The following ACTR3B variants were observed in gnomAD, a reference collection of about 807,000 sequenced individuals.
The protein encoded by ACTR3B is actin related protein 3B.
Under a neutral mutation model 59.0 loss-of-function variants are expected in ACTR3B, and 8 were observed. The observed-to-expected ratio is 0.14, with a 90% confidence interval of 0.08 to 0.24. The LOEUF (loss-of-function observed/expected upper bound fraction) is 0.24. Ranked by LOEUF, ACTR3B falls within the 10% of genes least tolerant of loss-of-function variation. The pLI, the probability that ACTR3B is intolerant of heterozygous loss-of-function variation, is 1.00. For synonymous variants in ACTR3B, 148 were observed against 197.9 expected (o/e 0.75, Z 2.12); for missense variants, 245 against 552.3 (o/e 0.44, Z 5.58).
chr7:152,791,624 CTA>C (rs2116678189), intron 2 of ACTR3B, among the ~76,000 whole-genome samples: 2 of 152,282 alleles, frequency 1.3e-5, no homozygotes, highest in East Asian at 3.9e-4. Context: ...GTGTATAGTT[CTA>C]TGTCATTGTA....
intron 9 of ACTR3B, among the ~76,000 whole-genome samples, chr7:152,842,889 C>T (rs1358537837): frequency 6.6e-6 from 1 of 152,160 alleles, no homozygotes; most frequent in Non-Finnish European, 1.5e-5. Flanking sequence ...TGCAGTTGTT[C>T]GTCTTAACCC....
chr7:152,833,721 CAT>C (rs1478760215), intron 9 of ACTR3B, among the ~76,000 whole-genome samples: 2 of 152,128 alleles, frequency 1.3e-5, no homozygotes, highest in Non-Finnish European at 2.9e-5. Context: ...ATCTTTCTGA[CAT>C]AAATTTCAGG....
At position 152,800,553 on chromosome 7, in the gene ACTR3B, A is replaced by C; in HGVS notation, c.123A>C (p.Ala41=). 1.2e-6 allele frequency: 2 copies of C among 1,614,044 alleles called. No individual in the cohort carries two copies. The highest frequency in any genetic ancestry group is 1.1e-5 in the South Asian group (1 of 91,078). The part of the protein sequence containing the change: ...IPSCIAIRES[A]KVVDQAQRRV... ...AAGGTATTGCCATCAGAGAGTCAGC[A>C]AAGGTAGTTGACCAAGCTCAAAGGA... Residue 41 remains alanine (A), a synonymous_variant, in exon 3 of 12, where the codon GCA becomes GCC. Transcript: ENST00000256001.
rs531670047 is a variant in ACTR3B at position 152,820,453 on chromosome 7, A to C, written c.684+11A>C. ...GCAAAAGCCATTAAGGTAAAAACAG[A>C]TGGGAAACCGGCCGGTTTGGGGGTG... On this transcript the variant is annotated intron_variant, in intron 7 of 11. Transcript: ENST00000256001. 2.5e-5 allele frequency: 40 copies of C among 1,602,788 alleles called. 1 individual carries two copies. The highest frequency in any genetic ancestry group is 3.2e-5 in the Non-Finnish European group (38 of 1,172,154).
intron 2 of ACTR3B, among the ~76,000 whole-genome samples, chr7:152,788,761 C>G (rs1446182118): frequency 1.3e-5 from 2 of 152,096 alleles, no homozygotes. Context: ...TGGTTCACAC[C>G]TGTAATTCCA....
intron 2 of ACTR3B, among the ~76,000 whole-genome samples, chr7:152,795,621 T>C (rs2116701964): frequency 6.6e-6 from 1 of 152,350 alleles, no homozygotes; most frequent in South Asian, 2.1e-4. Flanking sequence ...AAAGATTAGC[T>C]TTTACTTTTA....
At chr7:152,777,291 C>A (rs3107847) in intron 1 of ACTR3B, among the ~76,000 whole-genome samples, 4 of 150,466 alleles carry the variant, frequency 2.7e-5, no homozygotes, top group Non-Finnish European at 5.9e-5. Context: ...ACTCTTCCTC[C>A]TCCTGAACCA....
chr7:152,852,102 C>T (rs571378039), intron 9 of ACTR3B, 24 bp from the exon 10 acceptor site: 1 of 1,613,910 alleles, frequency 6.2e-7, no homozygotes, highest in South Asian at 1.1e-5. Flanking sequence ...TTACCCAGGG[C>T]TCCCTCTGCT....
At position 152,820,431 on chromosome 7, in the gene ACTR3B, A is replaced by G. The variant is rs2116853182; in HGVS notation, c.673A>G (p.Lys225Glu). 2 of 1,604,334 alleles carry G rather than the reference A, an allele frequency of 1.2e-6. No homozygotes were observed. The highest frequency in any genetic ancestry group is 8.5e-7 in the Non-Finnish European group (1 of 1,173,568). Residue 225 changes from lysine (K) to glutamate (E), a missense_variant, in exon 7 of 12, where the codon AAA (lysine) becomes GAA (glutamate). Lys to Glu is a moderately conservative substitution (Grantham distance 56). Transcript: ENST00000256001. ...IPPEQSLETA[K>E]AIKEKYCYIC... The stretch of plus-strand genomic sequence containing the variant: ...TCCTGAGCAGTCACTGGAGACCGCA[A>G]AAGCCATTAAGGTAAAAACAGATGG...
chr7:152,780,530 T>C (rs2689487), intron 1 of ACTR3B, among the ~76,000 whole-genome samples: 2,350 of 149,926 alleles, frequency 0.016, 64 homozygotes, highest in African/African-American at 0.052. Context: ...CAGCAGCTGT[T>C]GCTGAGTCGT....
rs537320244 is a variant in ACTR3B at position 152,769,727 on chromosome 7, T to G, written c.44+9801T>G. ...TTTTTTGGTGCACTTTAGGGCAGAC[T>G]GTATTTTTGTCTAATTGTTATCATT... On this transcript the variant is annotated intron_variant, in intron 1 of 11. Coordinates refer to ENST00000256001, the MANE Select transcript of ACTR3B (RefSeq NM_020445.6). 3.8e-4 allele frequency among the ~76,000 whole-genome samples: 58 copies of G among 152,268 alleles called. 1 individual carries two copies. Among genetic ancestry groups the G allele is most frequent in the South Asian group, 1.2e-3 (6 of 4,832 alleles).
intron 1 of ACTR3B, among the ~76,000 whole-genome samples, chr7:152,763,236 A>G (rs1417590208): frequency 6.8e-6 from 1 of 147,230 alleles, no homozygotes; most frequent in Non-Finnish European, 1.5e-5. Context: ...AATCACTTGA[A>G]TCCGAGAGGC....
chr7:152,806,239 A>G (rs1363671621), intron 4 of ACTR3B, among the ~76,000 whole-genome samples: 3 of 152,212 alleles, frequency 2.0e-5, no homozygotes, highest in Non-Finnish European at 2.9e-5. Context: ...AGTGGTGGAT[A>G]GAGATGAAAT....
At chr7:152,765,798 GTT>G (rs1352539117) in intron 1 of ACTR3B, among the ~76,000 whole-genome samples, 1 of 151,848 alleles carries the variant, frequency 6.6e-6, no homozygotes, top group African/African-American at 2.4e-5. Flanking sequence ...AAAAAAAAAA[GTT>G]TATTTGGCTC....
chr7:152,791,354 A>G (rs1320113609), intron 2 of ACTR3B, among the ~76,000 whole-genome samples: 3 of 152,178 alleles, frequency 2.0e-5, no homozygotes, highest in African/African-American at 7.2e-5. Context: ...ATTCATCATT[A>G]TAGCTGAAGT....
chr7:152,812,606 G>C (rs1795361674), intron 4 of ACTR3B: 1 of 136,240 alleles, frequency 7.3e-6, no homozygotes, highest in Non-Finnish European at 1.6e-5. Flanking sequence ...TACATATAAT[G>C]TGTGGTTATC....
chr7:152,818,909 G>T lies in ACTR3B; in HGVS notation c.541-1390G>T, dbSNP rs1374439709. On this transcript the variant is annotated intron_variant, in intron 6 of 11. Transcript: ENST00000256001. Reference sequence around the variant, plus strand: ...TTAACCCTAGTTTTTTTCTCTTGTGGTTAAATATTCTGTGAAAATACATTT... The same window carrying T: ...TTAACCCTAGTTTTTTTCTCTTGTGTTTAAATATTCTGTGAAAATACATTT... Among the ~76,000 whole-genome samples the T allele has an allele frequency of 2.0e-5, 3 of 152,206 alleles. 1 individual carries two copies. Among genetic ancestry groups the T allele is most frequent in the East Asian group, 1.9e-4 (1 of 5,180 alleles).
At chr7:152,775,031 A>T (rs952045502) in intron 1 of ACTR3B, among the ~76,000 whole-genome samples, 1 of 152,032 alleles carries the variant, frequency 6.6e-6, no homozygotes, top group Non-Finnish European at 1.5e-5. Context: ...CACAGGACAC[A>T]GTTTGAGAAC....
chr7:152,776,675 G>A (rs569987079), intron 1 of ACTR3B, among the ~76,000 whole-genome samples: 48 of 152,318 alleles, frequency 3.2e-4, no homozygotes, highest in Middle Eastern at 3.4e-3. Flanking sequence ...TCCAAAAATG[G>A]CAACATTTAA....
Sources: allele counts gnomAD v4.1 joint callset (sites outside exome capture counted in the v4.1 genomes callset), GRCh38; gene constraint gnomAD v4.1.1; transcripts MANE v1.5; gene names NCBI Gene and HGNC (gene_info 2026-07-23, HGNC 2026-07-21).